HS6ST2: variants seen among roughly 807,000 people sequenced by gnomAD.
The protein encoded by HS6ST2 is heparan sulfate 6-O-sulfotransferase 2.
In HS6ST2, 17 loss-of-function variants were observed where a neutral mutation model predicts 33.0. The observed-to-expected ratio is 0.52, with a 90% CI of 0.35 to 0.77. HS6ST2 has a LOEUF of 0.77. Ranked by LOEUF, HS6ST2 falls within the 30% of genes least tolerant of loss-of-function variation. The pLI is 0.01. For missense variants in HS6ST2, 519 were observed against 551.7 expected (o/e 0.94, Z 0.59); for synonymous variants, 248 against 237.1 (o/e 1.05, Z -0.42).
chrX:132,679,756 G>A (rs938098763), intron 3 of HS6ST2, among the ~76,000 whole-genome samples: 38 of 108,466 alleles, frequency 3.5e-4, no homozygotes, highest in Non-Finnish European at 6.9e-4. Context: ...CACGCCTGGG[G>A]GGGGGCCAGT....
intron 2 of HS6ST2, among the ~76,000 whole-genome samples, chrX:132,872,730 C>G (rs1017297032): frequency 4.5e-5 from 5 of 111,770 alleles, no homozygotes; most frequent in Non-Finnish European, 9.4e-5. Flanking sequence ...TAAGAAACTA[C>G]CAAGATTGCT....
At chrX:132,815,183 A>G (rs982133532) in intron 2 of HS6ST2, among the ~76,000 whole-genome samples, 4 of 112,526 alleles carry the variant, frequency 3.6e-5, no homozygotes, top group Non-Finnish European at 5.6e-5. Context: ...TACAGTCAGG[A>G]TTTAAAACCT....
chrX:132,854,546 G>C, intron 2 of HS6ST2, among the ~76,000 whole-genome samples: 1 of 112,326 alleles, frequency 8.9e-6, no homozygotes, highest in Non-Finnish European at 1.9e-5. Context: ...CATTACATGT[G>C]TTTAACTTAT....
intron 2 of HS6ST2, chrX:132,808,857 A>G (rs2065311913): frequency 8.9e-6 from 1 of 112,294 alleles, no homozygotes; most frequent in Non-Finnish European, 1.9e-5. Flanking sequence ...CCATCGCACC[A>G]CTACCTTCAC....
At chrX:132,738,135 T>C (rs2064527005) in intron 2 of HS6ST2, among the ~76,000 whole-genome samples, 2 of 112,627 alleles carry the variant, frequency 1.8e-5, no homozygotes, top group South Asian at 3.7e-4. Flanking sequence ...TTTTCTGGCT[T>C]GTTCTTCCTT....
chrX:132,823,836 G>A (rs915385295), intron 2 of HS6ST2, among the ~76,000 whole-genome samples: 5 of 86,759 alleles, frequency 5.8e-5, no homozygotes, highest in Non-Finnish European at 1.2e-4. Flanking sequence ...GCCTGGGCAA[G>A]AGTGAGACTT....
intron 2 of HS6ST2, among the ~76,000 whole-genome samples, chrX:132,941,889 A>G (rs2066891368): frequency 8.9e-6 from 1 of 111,810 alleles, no homozygotes; most frequent in African/African-American, 3.3e-5. Context: ...AAATATTCAG[A>G]CCATTTTGTT....
At chrX:132,944,659 T>C (rs756077891) in intron 2 of HS6ST2, among the ~76,000 whole-genome samples, 87 of 111,095 alleles carry the variant, frequency 7.8e-4, no homozygotes, top group Non-Finnish European at 1.3e-3. Context: ...AACAGAGATA[T>C]AGACCAATGG....
chrX:132,815,734 T>C (rs953477530), intron 2 of HS6ST2, among the ~76,000 whole-genome samples: 1 of 111,624 alleles, frequency 9.0e-6, no homozygotes, highest in African/African-American at 3.3e-5. Context: ...ATAAGTACGC[T>C]TCACCTGCCT....
At chrX:132,716,254 T>C (rs1221357874) in intron 2 of HS6ST2, among the ~76,000 whole-genome samples, 2 of 111,840 alleles carry the variant, frequency 1.8e-5, no homozygotes, top group Non-Finnish European at 3.8e-5. Flanking sequence ...GAAGGATTCT[T>C]GTTTCCGTGG....
chrX:132,905,323 C>T (rs765135470), intron 2 of HS6ST2, among the ~76,000 whole-genome samples: 4 of 112,146 alleles, frequency 3.6e-5, no homozygotes, highest in Non-Finnish European at 7.5e-5. Context: ...TGGAGACACT[C>T]TCCTATATTA....
intron 2 of HS6ST2, among the ~76,000 whole-genome samples, chrX:132,776,231 G>T (rs1469631487): frequency 8.9e-6 from 1 of 112,021 alleles, no homozygotes; most frequent in Non-Finnish European, 1.9e-5. Flanking sequence ...TAATTGAAAA[G>T]AGAATTGTCG....
At chrX:132,886,463 T>C (rs887787397) in intron 2 of HS6ST2, among the ~76,000 whole-genome samples, 6 of 111,177 alleles carry the variant, frequency 5.4e-5, no homozygotes, top group Non-Finnish European at 1.1e-4. Flanking sequence ...TCAAGTATCA[T>C]GTGATTAATG....
intron 2 of HS6ST2, among the ~76,000 whole-genome samples, chrX:132,786,624 C>CTTT (rs113772087): frequency 2.4e-4 from 24 of 101,690 alleles, no homozygotes; most frequent in South Asian, 1.4e-3. Context: ...GTTTCTATTA[C>CTTT]TTTTTTTTTT....
intron 4 of HS6ST2, among the ~76,000 whole-genome samples, chrX:132,660,623 G>A (rs1261644141): frequency 9.0e-6 from 1 of 111,377 alleles, no homozygotes; most frequent in Non-Finnish European, 1.9e-5. Flanking sequence ...CAGTGCTATG[G>A]GAATCTAGCT....
chrX:132,806,272 C>T (rs186627648), intron 2 of HS6ST2, among the ~76,000 whole-genome samples: 9 of 110,509 alleles, frequency 8.1e-5, no homozygotes, highest in African/African-American at 1.9e-4. Context: ...TCTGATCCCT[C>T]GAAGGCACAA....
intron 2 of HS6ST2, among the ~76,000 whole-genome samples, chrX:132,775,346 A>G (rs1840360199): frequency 9.0e-6 from 1 of 111,234 alleles, no homozygotes; most frequent in African/African-American, 3.3e-5. Context: ...CAGCTACTCA[A>G]TTACCTCAGC....
chrX:132,892,570 G>A (rs1447205852), intron 2 of HS6ST2, among the ~76,000 whole-genome samples: 1 of 112,592 alleles, frequency 8.9e-6, no homozygotes, highest in Admixed American at 9.4e-5. Context: ...TGTAATCCCA[G>A]CATTTTGGGA....
chrX:132,711,490 C>T (rs1427629636), intron 2 of HS6ST2, among the ~76,000 whole-genome samples: 2 of 111,548 alleles, frequency 1.8e-5, no homozygotes, highest in African/African-American at 6.5e-5. Context: ...TCTCCACTCT[C>T]CCAGTGGGCT....
Sources: gnomAD v4.1 joint callset for allele counts (sites outside exome capture counted in the v4.1 genomes callset) on GRCh38, gnomAD v4.1.1 for gene constraint, MANE v1.5 for transcripts, NCBI Gene and HGNC (gene_info 2026-07-23, HGNC 2026-07-21) for gene names.